Variants in PRKCE observed in about 807,000 individuals in gnomAD.
PRKCE encodes protein kinase C epsilon type.
A neutral mutation model predicts 85.4 loss-of-function variants in PRKCE; 16 were observed. The ratio of observed to expected loss-of-function variants is 0.19; its 90% CI spans 0.13 to 0.28. The LOEUF (loss-of-function observed/expected upper bound fraction) is 0.28, where lower values mean the gene tolerates loss of function less well. Among genes scored for constraint, PRKCE ranks in the 10% least tolerant of loss-of-function variants. The probability of loss-of-function intolerance (pLI) is 1.00; values close to 1 mark genes in which losing one functional copy is unlikely to be tolerated. For missense variants in PRKCE, 573 were observed against 975.2 expected (o/e 0.59, Z 5.49); for synonymous variants, 388 against 371.5 (o/e 1.04, Z -0.51).
chr2:46,118,700 A>C (rs182372082), intron 11 of PRKCE, among the ~76,000 whole-genome samples: 2 of 152,310 alleles, frequency 1.3e-5, no homozygotes, highest in Admixed American at 1.3e-4. Context: ...GAGATGGAGG[A>C]TGAGACCTAA....
chr2:45,958,818 T>A (rs1386185378), intron 2 of PRKCE, among the ~76,000 whole-genome samples: 328 of 7,388 alleles, frequency 0.044, 5 homozygotes, highest in East Asian at 0.23. Context: ...ATATATATAT[T>A]TTTTTTTTTT....
intron 1 of PRKCE, among the ~76,000 whole-genome samples, chr2:45,744,010 T>C (rs62127164): frequency 3.5e-4 from 50 of 143,438 alleles, no homozygotes; most frequent in South Asian, 9.2e-4. Flanking sequence ...TTTTTTTTTT[T>C]CCAGATAATG....
chr2:45,884,064 C>T (rs1397996759), intron 2 of PRKCE, among the ~76,000 whole-genome samples: 1 of 152,194 alleles, frequency 6.6e-6, no homozygotes, highest in Non-Finnish European at 1.5e-5. Flanking sequence ...CCAGCCCCTC[C>T]CTCCCTGTTA....
chr2:45,883,872 T>C (rs1447448309), intron 2 of PRKCE, among the ~76,000 whole-genome samples: 1 of 152,144 alleles, frequency 6.6e-6, no homozygotes, highest in African/African-American at 2.4e-5. Context: ...GGCTTGGGCT[T>C]TGGGGAGAAG....
intron 10 of PRKCE, among the ~76,000 whole-genome samples, chr2:46,025,933 C>G (rs1159723095): frequency 6.6e-6 from 1 of 152,242 alleles, no homozygotes; most frequent in South Asian, 2.1e-4. Flanking sequence ...GAGCCTGTGT[C>G]CTGGGTACTA....
At chr2:45,909,725 T>G (rs114143577) in intron 2 of PRKCE, among the ~76,000 whole-genome samples, 18 of 152,234 alleles carry the variant, frequency 1.2e-4, no homozygotes, top group Admixed American at 3.3e-4. Context: ...TAGAAAAGCC[T>G]TCCAGGCAGG....
At chr2:45,988,478 G>A (rs1190581017) in intron 6 of PRKCE, among the ~76,000 whole-genome samples, 1 of 152,152 alleles carries the variant, frequency 6.6e-6, no homozygotes, top group Non-Finnish European at 1.5e-5. Flanking sequence ...TGGAAAGAGT[G>A]GGTGCATGCA....
chr2:45,998,825 C>T (rs577152281), intron 6 of PRKCE, among the ~76,000 whole-genome samples: 2 of 152,214 alleles, frequency 1.3e-5, no homozygotes, highest in South Asian at 2.1e-4. Flanking sequence ...CCTTTCTTAG[C>T]GTATCATTTA....
rs1458492335 is a variant in PRKCE, at chr2:45,890,970, C to A, written c.412+47907C>A. Among the ~76,000 whole-genome samples the A allele has an allele frequency of 2.0e-5, 3 of 152,196 alleles. No individual in the cohort carries two copies. The East Asian group carries it at 5.8e-4, about 29-fold the overall frequency. ...AACAGAAAGGAACATAAGTTAGGTGCTCAATGAAGTCGCTTGCTTTGTCTG... is the reference window on the plus strand; with the variant it reads ...AACAGAAAGGAACATAAGTTAGGTGATCAATGAAGTCGCTTGCTTTGTCTG... On this transcript the variant is annotated intron_variant, in intron 2 of 14. Transcript: ENST00000306156.
chr2:46,014,072 C>T (rs1255124824), intron 10 of PRKCE, among the ~76,000 whole-genome samples: 1 of 152,190 alleles, frequency 6.6e-6, no homozygotes, highest in Non-Finnish European at 1.5e-5. Flanking sequence ...ACCCTTGGCT[C>T]ATGTGCTCCA....
At chr2:45,897,727 G>C (rs1696258265) in intron 2 of PRKCE, among the ~76,000 whole-genome samples, 1 of 152,168 alleles carries the variant, frequency 6.6e-6, no homozygotes, top group Non-Finnish European at 1.5e-5. Flanking sequence ...GGTCAGTGTG[G>C]GGGGTACTGA....
intron 1 of PRKCE, among the ~76,000 whole-genome samples, chr2:45,715,666 A>G (rs963216478): frequency 6.6e-6 from 1 of 152,204 alleles, no homozygotes; most frequent in Non-Finnish European, 1.5e-5. Context: ...CAACATCTGC[A>G]TGGTAAGGTA....
At chr2:46,055,211 G>A (rs188987204) in intron 10 of PRKCE, among the ~76,000 whole-genome samples, 2 of 152,300 alleles carry the variant, frequency 1.3e-5, no homozygotes, top group East Asian at 3.9e-4. Context: ...GGGGCTTCAG[G>A]GATCACAGCC....
chr2:45,939,155 C>T (rs562205747), intron 2 of PRKCE, among the ~76,000 whole-genome samples: 2 of 152,350 alleles, frequency 1.3e-5, no homozygotes, highest in African/African-American at 4.8e-5. Flanking sequence ...TATGCCCTCA[C>T]TCACAGAGTC....
chr2:45,884,687 G>A (rs561377861), intron 2 of PRKCE, among the ~76,000 whole-genome samples: 21 of 152,166 alleles, frequency 1.4e-4, no homozygotes, highest in African/African-American at 4.8e-4. Flanking sequence ...TAGAGTTCCT[G>A]GCCTGTGGGC....
chr2:45,877,845 T>G (rs1003199870), intron 2 of PRKCE, among the ~76,000 whole-genome samples: 1 of 152,230 alleles, frequency 6.6e-6, no homozygotes, highest in East Asian at 1.9e-4. Context: ...ACCTTACATT[T>G]GTTTTATCTG....
intron 2 of PRKCE, among the ~76,000 whole-genome samples, chr2:45,966,929 A>G (rs1701771669): frequency 6.6e-6 from 1 of 152,148 alleles, no homozygotes; most frequent in African/African-American, 2.4e-5. Flanking sequence ...AGATAGAGAG[A>G]TGCAGGGTTT....
chr2:45,921,847 A>G (rs1698272913), intron 2 of PRKCE, among the ~76,000 whole-genome samples: 1 of 152,190 alleles, frequency 6.6e-6, no homozygotes, highest in African/African-American at 2.4e-5. Context: ...ACTGCTTTAG[A>G]ATGAATTAAG....
At chr2:45,857,391 A>G (rs1692762410) in intron 2 of PRKCE, among the ~76,000 whole-genome samples, 1 of 152,224 alleles carries the variant, frequency 6.6e-6, no homozygotes, top group Non-Finnish European at 1.5e-5. Flanking sequence ...GAGTTTTTAA[A>G]AAATGTTCAC....
Sources: gnomAD v4.1 joint callset for allele counts (sites outside exome capture counted in the v4.1 genomes callset) on GRCh38, gnomAD v4.1.1 for gene constraint, MANE v1.5 for transcripts, NCBI Gene and HGNC (gene_info 2026-07-23, HGNC 2026-07-21) for gene names.